Variants in GAP43 observed in about 807,000 individuals in gnomAD.
The protein encoded by GAP43 is growth associated protein 43.
GAP43 carries 6 observed loss-of-function variants against 18.6 expected under a neutral mutation model. That is an observed-to-expected ratio of 0.32 (90% CI 0.18 to 0.64). The LOEUF (loss-of-function observed/expected upper bound fraction) is 0.64, where lower values mean the gene tolerates loss of function less well. GAP43 is among the 30% of genes least tolerant of loss of function. The pLI is 0.78. For synonymous variants in GAP43, 115 were observed against 111.4 expected, an observed-to-expected ratio of 1.03 and a Z score of -0.20; for missense variants, 292 against 295.5, an observed-to-expected ratio of 0.99 and a Z score of 0.09.
chr3:115,670,360 T>G (rs1287684778), intron 1 of GAP43, among the ~76,000 whole-genome samples: 1 of 151,694 alleles, frequency 6.6e-6, no homozygotes, highest in Non-Finnish European at 1.5e-5. Context: ...TATTCCATGG[T>G]GTATATGTGC....
Position 115,698,396 on chromosome 3 carries a change from CA to C in GAP43, c.628+21788del, listed in dbSNP as rs1364811135. 2.2e-5 allele frequency among the ~76,000 whole-genome samples: 3 copies of C among 137,584 alleles called. No individual in the cohort carries two copies. The Admixed American group carries it at 2.6e-4, about 12-fold the overall frequency. The allele number at this position is 137,584 out of a possible 152,430, so 90.3% of individuals were successfully genotyped here. On this transcript the variant is annotated intron_variant, in intron 2 of 2. Transcript: ENST00000305124. ...TCTCATATCATCTATTAGCTTTGCACAATTAGAAAATAGTTTTGTGACTCAG... is the reference window on the plus strand; with the variant it reads ...TCTCATATCATCTATTAGCTTTGCACATTAGAAAATAGTTTTGTGACTCAG...
chr3:115,676,468 G>A lies in GAP43; in HGVS notation c.486G>A (p.Lys162=). The change falls in exon 2 of 3, where the codon AAG becomes AAA. Residue 162 remains lysine (K), a synonymous_variant. Coordinates refer to ENST00000305124, the MANE Select transcript of GAP43 (RefSeq NM_002045.4). The part of the protein sequence containing the change: ...PSSKAEDAPA[K]EEPKQADVPA... ...CCAAGGCTGAAGATGCCCCAGCCAA[G>A]GAGGAGCCTAAACAAGCCGATGTGC... 6.2e-7 allele frequency: 1 copy of A among 1,614,116 alleles called. No homozygotes were observed.
chr3:115,677,063 T>C (rs1439744312), intron 2 of GAP43, among the ~76,000 whole-genome samples: 1 of 152,170 alleles, frequency 6.6e-6, no homozygotes, highest in East Asian at 1.9e-4. Context: ...TGATCCAGAT[T>C]ATATAGTGTG....
chr3:115,708,441 G>A (rs753446410), intron 2 of GAP43, among the ~76,000 whole-genome samples: 1 of 152,124 alleles, frequency 6.6e-6, no homozygotes, highest in Non-Finnish European at 1.5e-5. Context: ...AGCTATCTTT[G>A]GTCCAGATCT....
At chr3:115,677,888 G>A (rs1329257315) in intron 2 of GAP43, among the ~76,000 whole-genome samples, 1 of 152,172 alleles carries the variant, frequency 6.6e-6, no homozygotes, top group African/African-American at 2.4e-5. Context: ...AATATGGTAG[G>A]TGACTATTCT....
chr3:115,693,824 A>G (rs907727564), intron 2 of GAP43, among the ~76,000 whole-genome samples: 29 of 152,268 alleles, frequency 1.9e-4, no homozygotes, highest in African/African-American at 6.0e-4. Context: ...ATGGATTGAA[A>G]TGATCCTTTC....
chr3:115,660,892 G>A (rs1231403954), intron 1 of GAP43, among the ~76,000 whole-genome samples: 1 of 152,144 alleles, frequency 6.6e-6, no homozygotes, highest in African/African-American at 2.4e-5. Flanking sequence ...CAGCCCTGGG[G>A]ATTTAAGAAG....
At chr3:115,703,911 T>G (rs942856181) in intron 2 of GAP43, among the ~76,000 whole-genome samples, 10 of 152,062 alleles carry the variant, frequency 6.6e-5, no homozygotes, top group Admixed American at 6.6e-4. Flanking sequence ...GATCTTTGAC[T>G]GAAAAATAAA....
intron 1 of GAP43, among the ~76,000 whole-genome samples, chr3:115,639,927 A>G (rs918983221): frequency 4.6e-5 from 7 of 152,100 alleles, no homozygotes; most frequent in Non-Finnish European, 1.0e-4. Flanking sequence ...AGAATGGTCC[A>G]TGAACATTAG....
chr3:115,688,569 A>C (rs369356862), intron 2 of GAP43, among the ~76,000 whole-genome samples: 127 of 152,064 alleles, frequency 8.4e-4, no homozygotes, highest in African/African-American at 2.9e-3. Flanking sequence ...TCTTTCTCCC[A>C]CTCCTTAGCC....
At chr3:115,627,642 A>G (rs555018457) in intron 1 of GAP43, among the ~76,000 whole-genome samples, 1 of 152,298 alleles carries the variant, frequency 6.6e-6, no homozygotes, top group Non-Finnish European at 1.5e-5. Flanking sequence ...GTCTTCCTCT[A>G]TTAATAGTTC....
chr3:115,651,915 G>A (rs1014147734), intron 1 of GAP43, among the ~76,000 whole-genome samples: 7 of 151,898 alleles, frequency 4.6e-5, no homozygotes, highest in African/African-American at 1.5e-4. Flanking sequence ...CCTCTAAGCT[G>A]GTTTTACTTT....
intron 2 of GAP43, among the ~76,000 whole-genome samples, chr3:115,679,112 A>G (rs1001509954): frequency 2.0e-5 from 3 of 152,000 alleles, no homozygotes; most frequent in African/African-American, 7.3e-5. Context: ...CTGTTCGGAA[A>G]TGGGTGGCTA....
At chr3:115,690,480 C>G (rs1709095084) in intron 2 of GAP43, among the ~76,000 whole-genome samples, 2 of 152,166 alleles carry the variant, frequency 1.3e-5, no homozygotes, top group South Asian at 2.1e-4. Flanking sequence ...GTCCTGGGTT[C>G]AACCTCAGGT....
At chr3:115,682,196 T>C (rs1448339997) in intron 2 of GAP43, among the ~76,000 whole-genome samples, 1 of 152,192 alleles carries the variant, frequency 6.6e-6, no homozygotes, top group Non-Finnish European at 1.5e-5. Flanking sequence ...TAGATTCTTA[T>C]TTCAAAAATG....
intron 2 of GAP43, among the ~76,000 whole-genome samples, chr3:115,709,470 G>A (rs985978820): frequency 1.3e-5 from 2 of 152,108 alleles, no homozygotes; most frequent in Non-Finnish European, 2.9e-5. Context: ...GGAGTGAAAC[G>A]GGGAGATGTA....
In GAP43 at chr3:115,720,919, C is replaced by A; in HGVS notation, c.*37C>A. ...TGGCTTTCCACATCCCCACCCTCCC[C>A]TCTCCTGAGCCTGTCTCTCCCTACC... On this transcript the variant is annotated 3_prime_UTR_variant, in exon 3 of 3. Transcript: ENST00000305124. The A allele has an allele frequency of 7.1e-7, 1 of 1,414,914 alleles. No individual in the cohort carries two copies. The highest frequency in any genetic ancestry group is 1.0e-6 in the Non-Finnish European group (1 of 1,002,584). 87.6% of individuals were successfully genotyped at this position (1,414,914 alleles called of 1,614,324 possible). A position where few individuals can be genotyped will look rare whatever the true frequency, so the allele number is the denominator to read the frequency against.
At chr3:115,628,419 A>G (rs1376589889) in intron 1 of GAP43, among the ~76,000 whole-genome samples, 1 of 152,076 alleles carries the variant, frequency 6.6e-6, no homozygotes, top group Non-Finnish European at 1.5e-5. Flanking sequence ...CTCCCTTTAG[A>G]ACAAAGTTCC....
intron 1 of GAP43, among the ~76,000 whole-genome samples, chr3:115,637,843 T>A (rs1163423967): frequency 2.6e-5 from 4 of 152,088 alleles, no homozygotes; most frequent in African/African-American, 9.6e-5. Flanking sequence ...AGTCATGTAA[T>A]TCAGAAACAG....
Sources: gnomAD v4.1 joint callset for allele counts (sites outside exome capture counted in the v4.1 genomes callset) on GRCh38, gnomAD v4.1.1 for gene constraint, MANE v1.5 for transcripts, NCBI Gene and HGNC (gene_info 2026-07-23, HGNC 2026-07-21) for gene names.